Variants in ZC3H12B observed in about 807,000 individuals in gnomAD.
ZC3H12B encodes zinc finger CCCH-type containing 12B.
A neutral mutation model predicts 43.9 loss-of-function variants in ZC3H12B; 7 were observed. The observed-to-expected ratio is 0.16, with a 90% confidence interval of 0.09 to 0.30. The LOEUF (loss-of-function observed/expected upper bound fraction) is 0.30. Ranked by LOEUF, ZC3H12B falls within the 10% of genes least tolerant of loss-of-function variation. The pLI is 1.00. For synonymous variants in ZC3H12B, 222 were observed against 241.7 expected (o/e 0.92, Z 0.76); for missense variants, 475 against 670.2 (o/e 0.71, Z 3.22).
intron 3 of ZC3H12B, among the ~76,000 whole-genome samples, chrX:65,411,054 C>A (rs1224961208): frequency 1.8e-5 from 2 of 112,184 alleles, no homozygotes; most frequent in African/African-American, 3.2e-5. Context: ...TTGGAAGCAA[C>A]CTAAGTATCC....
At chrX:65,437,016 G>A (rs989431089) in intron 3 of ZC3H12B, among the ~76,000 whole-genome samples, 1 of 110,024 alleles carries the variant, frequency 9.1e-6, no homozygotes, top group African/African-American at 3.3e-5. Context: ...ACAGTGGTGG[G>A]ATCTTGGCTC....
the ZC3H12B span, among the ~76,000 whole-genome samples, chrX:65,147,227 T>G: frequency 8.9e-5 from 10 of 112,116 alleles, no homozygotes; most frequent in East Asian, 1.1e-3. Flanking sequence ...ACCAGTCAGC[T>G]CATCGAGAGA....
chrX:65,097,800 T>C, the ZC3H12B span, among the ~76,000 whole-genome samples: 7 of 112,058 alleles, frequency 6.2e-5, no homozygotes, highest in South Asian at 3.7e-4. Flanking sequence ...CTTTTTGATC[T>C]GATTCTACTT....
chrX:65,231,012 G>T, the ZC3H12B span, among the ~76,000 whole-genome samples: 2 of 111,673 alleles, frequency 1.8e-5, no homozygotes, highest in Non-Finnish European at 3.8e-5. Flanking sequence ...GGGGGAACCA[G>T]CCCCCAGTAT....
the ZC3H12B span, chrX:65,330,997 T>G: frequency 3.0e-6 from 1 of 336,803 alleles, no homozygotes; most frequent in South Asian, 3.1e-5. Flanking sequence ...ATATTGTTCC[T>G]GAATGACTTT....
the ZC3H12B span, among the ~76,000 whole-genome samples, chrX:65,228,270 C>A: frequency 8.9e-6 from 1 of 111,833 alleles, no homozygotes; most frequent in Non-Finnish European, 1.9e-5. Flanking sequence ...TAAACAGAAA[C>A]AAAGACAAAA....
chrX:65,274,930 A>G, the ZC3H12B span, among the ~76,000 whole-genome samples: 1 of 111,870 alleles, frequency 8.9e-6, no homozygotes, highest in Non-Finnish European at 1.9e-5. Context: ...TACCACCTAC[A>G]TCCAAGACCT....
chrX:65,246,461 T>C, the ZC3H12B span, among the ~76,000 whole-genome samples: 30 of 112,015 alleles, frequency 2.7e-4, no homozygotes, highest in African/African-American at 9.4e-4. Context: ...AAGGCAATTC[T>C]AAGCAAAAAG....
chrX:65,192,448 C>T, the ZC3H12B span, among the ~76,000 whole-genome samples: 1 of 111,103 alleles, frequency 9.0e-6, no homozygotes, highest in Non-Finnish European at 1.9e-5. Flanking sequence ...AGATAAAAGG[C>T]TTGCAGTTTT....
the ZC3H12B span, among the ~76,000 whole-genome samples, chrX:65,068,270 T>C: frequency 6.5e-4 from 72 of 110,794 alleles, no homozygotes; most frequent in Non-Finnish European, 8.9e-4. Flanking sequence ...TGCCATTTTG[T>C]TGTTTTCTGG....
rs1427127774 is a variant in ZC3H12B at position 65,398,933 on chromosome X, G to A, written n.407+229G>A. Among the ~76,000 whole-genome samples the A allele has an allele frequency of 2.7e-5, 3 of 111,943 alleles. No homozygotes were observed. The East Asian group carries it at 8.4e-4, about 31-fold the overall frequency. On this transcript the variant is annotated intron_variant and non_coding_transcript_variant, in intron 3 of 5. Coordinates refer to the ZC3H12B transcript ENST00000617377. ...AAGAACACACTTTGGGGAAAGGACTGTCTCTTCAGTAAGTGGTGTTAAGAA... is the reference window on the plus strand; with the variant it reads ...AAGAACACACTTTGGGGAAAGGACTATCTCTTCAGTAAGTGGTGTTAAGAA...
the ZC3H12B span, among the ~76,000 whole-genome samples, chrX:65,058,654 G>A: frequency 1.8e-5 from 2 of 112,099 alleles, no homozygotes; most frequent in East Asian, 5.6e-4. Flanking sequence ...CTTTTGTTCG[G>A]CTGTGCCCTG....
At chrX:65,416,564 G>A (rs112588205) in intron 3 of ZC3H12B, among the ~76,000 whole-genome samples, 1,933 of 108,688 alleles carry the variant, frequency 0.018, 18 homozygotes, top group Non-Finnish European at 0.028. Flanking sequence ...GGCGGATGAC[G>A]AGGTCAGGAG....
chrX:65,124,314 C>T, the ZC3H12B span, among the ~76,000 whole-genome samples: 8 of 110,687 alleles, frequency 7.2e-5, no homozygotes, highest in African/African-American at 2.6e-4. Flanking sequence ...TATGTTAAAC[C>T]ATCTCTGCAT....
chrX:65,115,321 G>T, the ZC3H12B span, among the ~76,000 whole-genome samples: 3 of 110,164 alleles, frequency 2.7e-5, no homozygotes, highest in Non-Finnish European at 5.7e-5. Flanking sequence ...TTCCATTCCT[G>T]AGTTACTTCA....
intron 1 of ZC3H12B, among the ~76,000 whole-genome samples, chrX:65,367,090 A>G (rs148590450): frequency 1.1e-3 from 119 of 112,347 alleles, no homozygotes; most frequent in African/African-American, 3.8e-3. Context: ...AAAGCTAGTC[A>G]GAACTTTCTT....
At chrX:65,330,012 A>G in the ZC3H12B span, among the ~76,000 whole-genome samples, 6 of 104,037 alleles carry the variant, frequency 5.8e-5, no homozygotes, top group African/African-American at 1.0e-4. Flanking sequence ...TTTTAGCTTA[A>G]GATTGACTTG....
chrX:65,050,821 T>A, the ZC3H12B span, among the ~76,000 whole-genome samples: 1 of 111,836 alleles, frequency 8.9e-6, no homozygotes, highest in Non-Finnish European at 1.9e-5. Context: ...TGAATTTGAC[T>A]TGCTAGTATT....
chrX:65,344,874 C>A, the ZC3H12B span, among the ~76,000 whole-genome samples: 1 of 111,877 alleles, frequency 8.9e-6, no homozygotes, highest in Admixed American at 9.5e-5. Flanking sequence ...GAAAAAACAA[C>A]CTCATTAAAA....
Sources: gnomAD v4.1 joint callset for allele counts (sites outside exome capture counted in the v4.1 genomes callset) on GRCh38, gnomAD v4.1.1 for gene constraint, MANE v1.5 for transcripts, NCBI Gene and HGNC (gene_info 2026-07-23, HGNC 2026-07-21) for gene names.